Variants in SFTPA2 observed in about 807,000 individuals in gnomAD.
The protein encoded by SFTPA2 is pulmonary surfactant-associated protein A2.
Under a neutral mutation model 20.3 loss-of-function variants are expected in SFTPA2, and 21 were observed. The ratio of observed to expected loss-of-function variants is 1.03; its 90% CI spans 0.73 to 1.49. SFTPA2 has a LOEUF of 1.49. Ranked by LOEUF, SFTPA2 falls within the 40% of genes most tolerant of loss-of-function variation. The pLI is 0.00. For synonymous variants in SFTPA2, 116 were observed against 118.7 expected (o/e 0.98, Z 0.15); for missense variants, 302 against 314.8 (o/e 0.96, Z 0.31).
Position 79,557,063 on chromosome 10 carries a change from G to A in SFTPA2, c.*146C>T. ...AAGAGTCAGGGCCCATCAGGGGAAT[G>A]AAGTGGCTAAGGGTGCCTCCAGCTC... On this transcript the variant is annotated 3_prime_UTR_variant, in exon 6 of 6. Coordinates refer to ENST00000372325, the MANE Select transcript of SFTPA2 (RefSeq NM_001098668.4). The A allele has an allele frequency of 7.4e-7, 1 of 1,351,230 alleles. No individual in the cohort carries two copies. The highest frequency in any genetic ancestry group is 1.4e-5 in the South Asian group (1 of 73,752). 83.7% of individuals were successfully genotyped at this position (1,351,230 alleles called of 1,614,324 possible).
At chr10:79,557,973 C>G in intron 5 of SFTPA2, 79 bp downstream of exon 5, 2 of 1,603,478 alleles carry the variant, frequency 1.2e-6, no homozygotes, top group African/African-American at 1.3e-5. Flanking sequence ...TTTGTCATCT[C>G]TATTCTAGAA....
chr10:79,558,518 G>C (rs61860559), intron 4 of SFTPA2, among the ~76,000 whole-genome samples: 4 of 151,886 alleles, frequency 2.6e-5, no homozygotes, highest in Admixed American at 2.6e-4. Context: ...CTGTCTGTGG[G>C]GCTCCTGATC....
intron 4 of SFTPA2, 66 bp from the exon 5 acceptor site, chr10:79,558,195 G>T: frequency 1.2e-6 from 2 of 1,612,952 alleles, no homozygotes; most frequent in Non-Finnish European, 8.5e-7. Context: ...CTGCCACGCA[G>T]GCGTTTTGCC....
rs753543334 is a variant in SFTPA2, at chr10:79,557,266, A to G, written c.690T>C (p.Asp230=). Residue 230 remains aspartate (D), a synonymous_variant, in exon 6 of 6, where the codon GAT becomes GAC. Transcript: ENST00000372325. ...GGCAGTTCCTGTCATTCCACTGCCCATCTGTGTACATCTCCACACACTGCT... is the reference window on the plus strand; with the variant it reads ...GGCAGTTCCTGTCATTCCACTGCCCGTCTGTGTACATCTCCACACACTGCT... ...GKEQCVEMYT[D]GQWNDRNCLY... 9.9e-6 allele frequency: 16 copies of G among 1,614,146 alleles called. No individual in the cohort carries two copies. The highest frequency in any genetic ancestry group is 1.4e-5 in the Non-Finnish European group (16 of 1,180,016).
chr10:79,559,716 G>T (rs1204613328), intron 2 of SFTPA2: 2 of 1,548,264 alleles, frequency 1.3e-6, no homozygotes, highest in Non-Finnish European at 1.7e-6. Flanking sequence ...TGGAGGTTGT[G>T]GGGTCTCAAG....
chr10:79,557,181 C>T lies in SFTPA2; in HGVS notation c.*28G>A, dbSNP rs17879546. Reference sequence around the variant, plus strand: ...ATGGAAACTGAAGGCCAGACAGGATCCTCCCTGTCCCATGGCCTAAATGCC... The same window carrying T: ...ATGGAAACTGAAGGCCAGACAGGATTCTCCCTGTCCCATGGCCTAAATGCC... On this transcript the variant is annotated 3_prime_UTR_variant, in exon 6 of 6. Transcript: ENST00000372325. 21,633 of 1,614,166 alleles carry T rather than the reference C, an allele frequency of 0.013. 213 individuals carry two copies. The highest frequency in any genetic ancestry group is 0.031 in the Middle Eastern group (186 of 6,058).
At chr10:79,558,320 T>C in intron 4 of SFTPA2, 191 bp from the exon 5 acceptor site, 3 of 897,242 alleles carry the variant, frequency 3.3e-6, no homozygotes, top group Non-Finnish European at 4.0e-6. Context: ...CCCTATTCTT[T>C]AGTGAAGCCT....
Position 79,559,668 on chromosome 10 carries a change from C to G in SFTPA2, c.-23-162G>C, listed in dbSNP as rs570952644. On this transcript the variant is annotated intron_variant, in intron 2 of 5. Coordinates refer to ENST00000372325, the MANE Select transcript of SFTPA2 (RefSeq NM_001098668.4). ...CACCCGGGAAAATTCCAAGCATCAC[C>G]TGGCACCTGGCATGGCCTCATGCTT... The G allele has an allele frequency of 1.7e-5, 26 of 1,552,700 alleles. No homozygotes were observed. In the South Asian group the frequency reaches 3.0e-4, roughly 18 times the overall value.
Position 79,559,848 on chromosome 10 carries a change from T to C in SFTPA2, c.-24+121A>G, listed in dbSNP as rs17880942. On this transcript the variant is annotated intron_variant, in intron 2 of 5. Transcript: ENST00000372325. ...TGGGAAACTGGCTTCACCTCTCTGA[T>C]TTCAGCTGAATCTTCCATGCTCTGC... The C allele has an allele frequency of 2.2e-4, 304 of 1,375,162 alleles. 1 individual carries two copies. The African/African-American group carries it at 3.9e-3, about 18-fold the overall frequency. The allele number at this position is 1,375,162 out of a possible 1,614,324, so 85.2% of individuals were successfully genotyped here.
Position 79,559,423 on chromosome 10 carries a change from C to G in SFTPA2, c.61G>C (p.Glu21Gln). 6.2e-7 allele frequency: 1 copy of G among 1,613,710 alleles called. No individual in the cohort carries two copies. The stretch of plus-strand genomic sequence containing the variant: ...CTTCCAACACAAACGTCCTTCACTT[C>G]GCACGCAGCACCAGAGGCTGCCATC... ...ILMAASGAACEVKDVCVGSPG... is the reference protein window; with the variant it reads ...ILMAASGAACQVKDVCVGSPG... Residue 21 changes from glutamate to glutamine, a missense_variant, in exon 3 of 6, where the codon GAA (glutamate) becomes CAA (glutamine). By Grantham distance (29) the Glu-to-Gln change is conservative. Around this residue, in one of 3 missense-constraint regions of SFTPA2, gnomAD observed 31 missense variants for 29.8 expected, o/e 1.04. Coordinates refer to ENST00000372325, the MANE Select transcript of SFTPA2 (RefSeq NM_001098668.4).
rs542453335 is a variant in SFTPA2 at position 79,556,749 on chromosome 10, T to G, written c.*460A>C. ...TCAGGGCTTCCCTGAAATCTGCCTC[T>G]CTCTGTCATTATGCTTGGCCGGTAC... On this transcript the variant is annotated 3_prime_UTR_variant, in exon 6 of 6. Transcript: ENST00000372325. The G allele has an allele frequency of 4.0e-6, 1 of 249,306 alleles. No individual in the cohort carries two copies. The highest frequency in any genetic ancestry group is 1.1e-4 in the East Asian group (1 of 9,466). 15.4% of individuals were successfully genotyped at this position (249,306 alleles called of 1,614,324 possible).
intron 3 of SFTPA2, 137 bp downstream of exon 3, chr10:79,559,175 C>T (rs1859020568): frequency 2.3e-6 from 3 of 1,291,560 alleles, no homozygotes; most frequent in South Asian, 1.3e-5. Context: ...AACCCACCAC[C>T]CCTGCAGACT....
chr10:79,558,734 C>A, intron 4 of SFTPA2, 152 bp downstream of exon 4: 1 of 1,403,712 alleles, frequency 7.1e-7, no homozygotes, highest in Non-Finnish European at 1.0e-6. Flanking sequence ...GACACCTCGG[C>A]TTTCTCCCTC....
In SFTPA2 at chr10:79,557,599, A is replaced by G. The variant is rs1419560470; in HGVS notation, c.371-14T>C. ...GCAGACTGAGGGCTGAGAGCAGAGGAGTCCAGGTCAGGCCACTGACCACTT... is the reference window on the plus strand; with the variant it reads ...GCAGACTGAGGGCTGAGAGCAGAGGGGTCCAGGTCAGGCCACTGACCACTT... On this transcript the variant is annotated splice_polypyrimidine_tract_variant and intron_variant, in intron 5 of 5. Transcript: ENST00000372325. The G allele has an allele frequency of 1.6e-5, 26 of 1,586,916 alleles. 1 individual carries two copies. Among genetic ancestry groups the G allele is most frequent in the Non-Finnish European group, 2.2e-5 (25 of 1,161,478 alleles).
In SFTPA2 at chr10:79,557,057, G is replaced by A. The variant is rs9408; in HGVS notation, c.*152C>T. Reference sequence around the variant, plus strand: ...ATGGGGAAGAGTCAGGGCCCATCAGGGGAATGAAGTGGCTAAGGGTGCCTC... The same window carrying A: ...ATGGGGAAGAGTCAGGGCCCATCAGAGGAATGAAGTGGCTAAGGGTGCCTC... On this transcript the variant is annotated 3_prime_UTR_variant, in exon 6 of 6. Transcript: ENST00000372325. 0.076 allele frequency: 95,595 copies of A among 1,265,498 alleles called. 4,523 individuals carry two copies. The highest frequency in any genetic ancestry group is 0.25 in the East Asian group (10,037 of 39,930). 78.4% of individuals were successfully genotyped at this position (1,265,498 alleles called of 1,614,324 possible).
intron 3 of SFTPA2, 148 bp downstream of exon 3, chr10:79,559,164 G>C (rs890778743): frequency 3.6e-6 from 5 of 1,372,430 alleles, no homozygotes; most frequent in Non-Finnish European, 5.2e-6. Flanking sequence ...AGGGCCCCAG[G>C]AACCCACCAC....
Position 79,557,410 on chromosome 10 carries a change from G to T in SFTPA2, c.546C>A (p.Asn182Lys). The change falls in exon 6 of 6, where the codon AAC (asparagine) becomes AAA (lysine). Residue 182 changes from asparagine to lysine, a missense_variant. Physicochemically the swap from Asn to Lys is moderately conservative, Grantham distance 94. Around this residue, in one of 3 missense-constraint regions of SFTPA2, gnomAD observed 264 missense variants for 261.7 expected, o/e 1.01. Transcript: ENST00000372325. ...EAIASFVKKYNTYAYVGLTEG... is the reference protein window; with the variant it reads ...EAIASFVKKYKTYAYVGLTEG... ...CAGTCAGGCCTACATAGGCATATGT[G>T]TTGTACTTCTTCACGAAGCTTGCAA... 1 of 1,613,958 alleles carries T rather than the reference G, an allele frequency of 6.2e-7. No individual in the cohort carries two copies. The highest frequency in any genetic ancestry group is 8.5e-7 in the Non-Finnish European group (1 of 1,179,896).
chr10:79,558,240 G>T, intron 4 of SFTPA2, 111 bp from the exon 5 acceptor site: 3 of 1,603,134 alleles, frequency 1.9e-6, no homozygotes, highest in Non-Finnish European at 2.6e-6. Flanking sequence ...TTTCATTGCT[G>T]TTAGGCACCA....
rs184203754 is a variant in SFTPA2, at chr10:79,556,947, T to A, written c.*262A>T. The A allele has an allele frequency of 6.7e-5, 40 of 597,302 alleles. No individual in the cohort carries two copies. The highest frequency in any genetic ancestry group is 6.1e-4 in the African/African-American group (33 of 53,910). The allele number at this position is 597,302 out of a possible 1,614,324, so 37.0% of individuals were successfully genotyped here. ...GGGGAATAAGGAGGCCTCCATCTCA[T>A]GCCAAAGGCCAAGGCTAGGAGTGGC... On this transcript the variant is annotated 3_prime_UTR_variant, in exon 6 of 6. Transcript: ENST00000372325.
Sources: gnomAD v4.1 joint callset for allele counts (sites outside exome capture counted in the v4.1 genomes callset) on GRCh38, gnomAD v4.1.1 for gene constraint, gnomAD v4.1.1 regional missense constraint, MANE v1.5 for transcripts, NCBI Gene and HGNC (gene_info 2026-07-23, HGNC 2026-07-21) for gene names.